The following LRRC41 variants were observed in gnomAD, a reference collection of about 807,000 sequenced individuals.
The protein encoded by LRRC41 is leucine rich repeat containing 41.
Under a neutral mutation model 72.1 loss-of-function variants are expected in LRRC41, and 17 were observed. The ratio of observed to expected loss-of-function variants is 0.24; its 90% CI spans 0.16 to 0.35. The LOEUF (loss-of-function observed/expected upper bound fraction) is 0.35. LRRC41 is among the 10% of genes least tolerant of loss of function. The pLI, the probability that LRRC41 is intolerant of heterozygous loss-of-function variation, is 1.00. For missense variants in LRRC41, 759 were observed against 1,065.0 expected, an observed-to-expected ratio of 0.71 and a Z score of 4.00; for synonymous variants, 427 against 431.0, an observed-to-expected ratio of 0.99 and a Z score of 0.11.
chr1:46,278,068 C>G lies in LRRC41; in HGVS notation c.*797G>C. ...GTGACTTCAGCTGTGCCTTCTGTCC[C>G]TAGGTTGCACTGCCGACGTTGTGTC... On this transcript the variant is annotated 3_prime_UTR_variant, in exon 10 of 10. Transcript: ENST00000617190. The G allele has an allele frequency of 1.2e-6, 2 of 1,614,134 alleles. No individual in the cohort carries two copies. The highest frequency in any genetic ancestry group is 1.7e-6 in the Non-Finnish European group (2 of 1,179,998).
intron 1 of LRRC41, among the ~76,000 whole-genome samples, chr1:46,301,794 C>T (rs1352902049): frequency 6.6e-6 from 1 of 152,040 alleles, no homozygotes; most frequent in African/African-American, 2.4e-5. Context: ...GAACCTCCCC[C>T]GCGCCGCTTC....
Position 46,277,938 on chromosome 1 carries a change from T to A in LRRC41, c.*927A>T, listed in dbSNP as rs1407110494. On this transcript the variant is annotated 3_prime_UTR_variant, in exon 10 of 10. Transcript: ENST00000617190. Reference sequence around the variant, plus strand: ...TTCTCTCTGGGCGAGTTGAAGGAGCTGTTTATCCTGGATGAAGCTAGCCTC... The same window carrying A: ...TTCTCTCTGGGCGAGTTGAAGGAGCAGTTTATCCTGGATGAAGCTAGCCTC... 1.2e-6 allele frequency: 2 copies of A among 1,614,138 alleles called. No homozygotes were observed. The highest frequency in any genetic ancestry group is 2.2e-5 in the South Asian group (2 of 91,076).
chr1:46,302,463 C>G lies in LRRC41; in HGVS notation c.199+661G>C. Reference sequence around the variant, plus strand: ...TCGGTCGCTTAGTCAGTTTGGCACCCGAGACCCCGGTTGTCGGTTCGCTCC... The same window carrying G: ...TCGGTCGCTTAGTCAGTTTGGCACCGGAGACCCCGGTTGTCGGTTCGCTCC... On this transcript the variant is annotated intron_variant, in intron 1 of 9. Transcript: ENST00000617190. The surrounding 1 kb of genome is among the most constrained non-coding windows in gnomAD (Gnocchi z 4.7). 1 of 985,422 alleles carries G rather than the reference C, an allele frequency of 1.0e-6. No homozygotes were observed. Among genetic ancestry groups the G allele is most frequent in the Non-Finnish European group, 1.2e-6 (1 of 829,922 alleles). 61.0% of individuals were successfully genotyped at this position (985,422 alleles called of 1,614,324 possible).
chr1:46,290,567 A>G (rs1413436442), intron 3 of LRRC41, among the ~76,000 whole-genome samples: 1 of 151,876 alleles, frequency 6.6e-6, no homozygotes, highest in Non-Finnish European at 1.5e-5. Flanking sequence ...GAAAATGTGT[A>G]CCATATGTAA....
In LRRC41 at chr1:46,281,214, C is replaced by T. The variant is rs1660768001; in HGVS notation, c.1667G>A (p.Arg556His). 1.9e-6 allele frequency: 3 copies of T among 1,614,162 alleles called. No individual in the cohort carries two copies. The highest frequency in any genetic ancestry group is 2.5e-6 in the Non-Finnish European group (3 of 1,180,034). The part of the protein sequence containing the change: ...ALPLLRVLSI[R>H]VDHPSQRDNP... ...GTCCCGCTGGCTTGGGTGGTCAACA[C>T]GAATAGAGAGGACCCGTAGCAGGGG... Residue 556 changes from arginine to histidine, a missense_variant, in exon 5 of 10, where the codon CGT (arginine) becomes CAT (histidine). This residue lies in a region of LRRC41 where 427 missense variants were observed against 520.9 expected (regional missense o/e 0.82). Coordinates refer to ENST00000617190, the MANE Select transcript of LRRC41 (RefSeq NM_006369.5).
rs1041443753 is a variant in LRRC41, at chr1:46,286,824, T to C, written c.358-325A>G. Among the ~76,000 whole-genome samples, 13 of 152,166 alleles carry C rather than the reference T, an allele frequency of 8.5e-5. No homozygotes were observed. Among genetic ancestry groups the C allele is most frequent in the Non-Finnish European group, 1.5e-5 (1 of 68,034 alleles). On this transcript the variant is annotated intron_variant, in intron 3 of 9. Coordinates refer to ENST00000617190, the MANE Select transcript of LRRC41 (RefSeq NM_006369.5). This position sits in a 1 kb window ranked among gnomAD's most constrained non-coding sequence, Gnocchi z 5.5. Reference sequence around the variant, plus strand: ...TGTTTCTAGAACCTTATCCCAATTTTTTTTTTCTTTTTAAGATAGAGTCTC... The same window carrying C: ...TGTTTCTAGAACCTTATCCCAATTTCTTTTTTCTTTTTAAGATAGAGTCTC...
chr1:46,289,010 A>C (rs1471722693), intron 3 of LRRC41, among the ~76,000 whole-genome samples: 2 of 152,230 alleles, frequency 1.3e-5, no homozygotes, highest in Non-Finnish European at 2.9e-5. Flanking sequence ...TTATTACAAT[A>C]TCTGTGCCTA....
chr1:46,281,183 A>G lies in LRRC41; in HGVS notation c.1698T>C (p.Pro566=), dbSNP rs746666422. The G allele has an allele frequency of 6.2e-7, 1 of 1,614,060 alleles. No homozygotes were observed. The highest frequency in any genetic ancestry group is 8.5e-7 in the Non-Finnish European group (1 of 1,180,016). The part of the protein sequence containing the change: ...RVDHPSQRDN[P]GVPGNAGPPS... ...GGGGCCCTGCATTCCCTGGCACACC[A>G]GGGTTGTCCCGCTGGCTTGGGTGGT... The change falls in exon 5 of 10, where the codon CCT becomes CCC. Residue 566 remains proline, a synonymous_variant. Coordinates refer to ENST00000617190, the MANE Select transcript of LRRC41 (RefSeq NM_006369.5).
At position 46,303,241 on chromosome 1, in the gene LRRC41, G is replaced by A; in HGVS notation, c.82C>T (p.Arg28Trp). Residue 28 changes from arginine (R) to tryptophan (W), a missense_variant, in exon 1 of 10, where the codon CGG (arginine) becomes TGG (tryptophan). Transcript: ENST00000617190. The part of the protein sequence containing the change: ...AAATTMEATS[R>W]EAAPAKSSAS... Reference sequence around the variant, plus strand: ...GAGCTCTTCGCTGGCGCCGCCTCCCGGGACGTGGCCTCCATGGTCGTTGCC... The same window carrying A: ...GAGCTCTTCGCTGGCGCCGCCTCCCAGGACGTGGCCTCCATGGTCGTTGCC... The A allele has an allele frequency of 1.3e-6, 2 of 1,553,556 alleles. No homozygotes were observed. Among genetic ancestry groups the A allele is most frequent in the Non-Finnish European group, 8.7e-7 (1 of 1,151,406 alleles).
rs1660650996 is a variant in LRRC41 at position 46,277,628 on chromosome 1, C to G, written c.*1237G>C. On this transcript the variant is annotated 3_prime_UTR_variant, in exon 10 of 10. Coordinates refer to ENST00000617190, the MANE Select transcript of LRRC41 (RefSeq NM_006369.5). ...GCCTGGGTGGGCAGACTATTCATGTCATGTTCTCAGGAGACAGACTGGGAA... is the reference window on the plus strand; with the variant it reads ...GCCTGGGTGGGCAGACTATTCATGTGATGTTCTCAGGAGACAGACTGGGAA... 2 of 680,840 alleles carry G rather than the reference C, an allele frequency of 2.9e-6. No individual in the cohort carries two copies. Among genetic ancestry groups the G allele is most frequent in the Non-Finnish European group, 2.5e-6 (1 of 399,992 alleles). The allele number at this position is 680,840 out of a possible 1,614,324, so 42.2% of individuals were successfully genotyped here. A position where few individuals can be genotyped will look rare whatever the true frequency, so the allele number is the denominator to read the frequency against.
Position 46,279,393 on chromosome 1 carries a change from C to A in LRRC41, c.2143+99G>T. The A allele has an allele frequency of 6.3e-7, 1 of 1,594,046 alleles. No homozygotes were observed. The highest frequency in any genetic ancestry group is 8.6e-7 in the Non-Finnish European group (1 of 1,162,142). On this transcript the variant is annotated intron_variant, in intron 8 of 9. Transcript: ENST00000617190. This position sits in a 1 kb window ranked among gnomAD's most constrained non-coding sequence, Gnocchi z 4.5. The stretch of plus-strand genomic sequence containing the variant: ...CACAGAAATATCTGTATTCCAACTC[C>A]CACGTTCCCAGTGGAGAGGTCTTTG...
At chr1:46,289,739 C>A (rs72901077) in intron 3 of LRRC41, among the ~76,000 whole-genome samples, 6 of 151,724 alleles carry the variant, frequency 4.0e-5, no homozygotes, top group Non-Finnish European at 8.8e-5. Flanking sequence ...CCAGCCTGGG[C>A]GATAGAGCAA....
In LRRC41 at chr1:46,281,160, G is replaced by T. The variant is rs1285044044; in HGVS notation, c.1721C>A (p.Pro574His). ...DNPGVPGNAG[P>H]PSHIIGDEEI... ...CTCATCGCCTATTATGTGGCTAGGG[G>T]GCCCTGCATTCCCTGGCACACCAGG... Residue 574 changes from proline to histidine, a missense_variant, in exon 5 of 10, where the codon CCC becomes CAC. Pro to His is a moderately conservative substitution (Grantham distance 77, BLOSUM62 -2). Coordinates refer to ENST00000617190, the MANE Select transcript of LRRC41 (RefSeq NM_006369.5). The T allele has an allele frequency of 3.1e-6, 5 of 1,614,076 alleles. No individual in the cohort carries two copies. The highest frequency in any genetic ancestry group is 1.1e-5 in the South Asian group (1 of 91,076).
chr1:46,279,355 C>T lies in LRRC41; in HGVS notation c.2144-98G>A, dbSNP rs771921508. On this transcript the variant is annotated intron_variant, in intron 8 of 9. Coordinates refer to ENST00000617190, the MANE Select transcript of LRRC41 (RefSeq NM_006369.5). This position sits in a 1 kb window ranked among gnomAD's most constrained non-coding sequence, Gnocchi z 4.5. The stretch of plus-strand genomic sequence containing the variant: ...GCTGGCAGAACCAGCCCTGCTGGTT[C>T]CTGAAGCCCCAGCACAGAAATATCT... 11 of 1,577,390 alleles carry T rather than the reference C, an allele frequency of 7.0e-6. No homozygotes were observed. The South Asian group carries it at 1.2e-4, about 18-fold the overall frequency.
intron 3 of LRRC41, among the ~76,000 whole-genome samples, chr1:46,295,825 C>G (rs905255922): frequency 6.6e-6 from 1 of 152,210 alleles, no homozygotes; most frequent in East Asian, 1.9e-4. Flanking sequence ...CTCATAAGGT[C>G]TGTTGTCCTC....
intron 3 of LRRC41, among the ~76,000 whole-genome samples, chr1:46,294,169 C>T (rs1183791918): frequency 1.3e-5 from 2 of 151,904 alleles, no homozygotes; most frequent in South Asian, 2.1e-4. Flanking sequence ...GGCTGGAGTG[C>T]GATGGTGTGA....
chr1:46,294,554 G>A (rs905589859), intron 3 of LRRC41, among the ~76,000 whole-genome samples: 2 of 148,382 alleles, frequency 1.3e-5, no homozygotes, highest in Non-Finnish European at 3.0e-5. Context: ...GTCAGTCACT[G>A]TACCCGACTC....
Position 46,286,165 on chromosome 1 carries a change from G to A in LRRC41, c.692C>T (p.Ser231Leu). 6.2e-7 allele frequency: 1 copy of A among 1,614,230 alleles called. No homozygotes were observed. Among genetic ancestry groups the A allele is most frequent in the Non-Finnish European group, 8.5e-7 (1 of 1,180,040 alleles). ...CTCAGGCACAGGCCAGGAGTATAGCGACACTTGACTGACAGCCCCATGGTG... is the reference window on the plus strand; with the variant it reads ...CTCAGGCACAGGCCAGGAGTATAGCAACACTTGACTGACAGCCCCATGGTG... Reference protein sequence around the residue: ...LIHHGAVSQVSLYSWPVPESA... With the variant: ...LIHHGAVSQVLLYSWPVPESA... The change falls in exon 4 of 10, where the codon TCG becomes TTG. Residue 231 changes from serine (S) to leucine (L), a missense_variant. Ser to Leu is a moderately radical substitution (Grantham distance 145). Coordinates refer to ENST00000617190, the MANE Select transcript of LRRC41 (RefSeq NM_006369.5). The surrounding 1 kb of genome is among the most constrained non-coding windows in gnomAD (Gnocchi z 5.5).
chr1:46,290,518 C>A (rs2148320247), intron 3 of LRRC41, among the ~76,000 whole-genome samples: 1 of 152,204 alleles, frequency 6.6e-6, no homozygotes, highest in Non-Finnish European at 1.5e-5. Context: ...GCTTTTAAAA[C>A]ATACCATGTA....
Sources: allele counts gnomAD v4.1 joint callset (sites outside exome capture counted in the v4.1 genomes callset), GRCh38; gene constraint gnomAD v4.1.1; regional missense constraint gnomAD v4.1.1; non-coding constraint Gnocchi (gnomAD v3.1); transcripts MANE v1.5; gene names NCBI Gene and HGNC (gene_info 2026-07-23, HGNC 2026-07-21).